Variants in KDM7A observed in about 807,000 individuals in gnomAD.
KDM7A encodes the protein lysine-specific demethylase 7A.
In KDM7A, 28 loss-of-function variants were observed where a neutral mutation model predicts 114.8. That is an observed-to-expected ratio of 0.24 (90% CI 0.18 to 0.33). The LOEUF is 0.33. KDM7A is among the 10% of genes least tolerant of loss of function. The pLI is 1.00. For missense variants in KDM7A, 942 were observed against 1,142.5 expected, an observed-to-expected ratio of 0.82 and a Z score of 2.53; for synonymous variants, 423 against 397.8, an observed-to-expected ratio of 1.06 and a Z score of -0.75.
chr7:140,120,570 AT>A, intron 7 of KDM7A, 41 bp from the exon 8 acceptor site: 2 of 1,175,294 alleles, frequency 1.7e-6, no homozygotes, highest in Non-Finnish European at 2.6e-6. Context: ...ATTTTTCAAT[AT>A]GTAAACTAAA....
chr7:140,119,513 T>C (rs1464390750), intron 8 of KDM7A, among the ~76,000 whole-genome samples: 4 of 152,206 alleles, frequency 2.6e-5, no homozygotes, highest in Non-Finnish European at 5.9e-5. Flanking sequence ...AGGGTTCTAC[T>C]ACAATAAATA....
At chr7:140,151,654 T>C (rs1296216464) in intron 1 of KDM7A, among the ~76,000 whole-genome samples, 2 of 152,234 alleles carry the variant, frequency 1.3e-5, no homozygotes. Flanking sequence ...AAAAAAGGTC[T>C]TCATTCATCA....
intron 1 of KDM7A, among the ~76,000 whole-genome samples, chr7:140,162,782 T>C (rs1794534787): frequency 6.6e-6 from 1 of 152,032 alleles, no homozygotes; most frequent in African/African-American, 2.4e-5. Context: ...CACAAAAATA[T>C]ATATCCTGCA....
chr7:140,115,199 C>T (rs1051149475), intron 9 of KDM7A, among the ~76,000 whole-genome samples: 10 of 151,188 alleles, frequency 6.6e-5, no homozygotes, highest in Admixed American at 1.3e-4. Context: ...CCCAGCCAGC[C>T]GCCCCGTCCG....
chr7:140,099,700 A>G (rs1478907726), intron 13 of KDM7A, among the ~76,000 whole-genome samples, 199 bp downstream of exon 13: 1 of 152,200 alleles, frequency 6.6e-6, no homozygotes, highest in African/African-American at 2.4e-5. Context: ...TCCAAGAGTT[A>G]CACACTCCTT....
At chr7:140,141,361 AC>A (rs573277509) in intron 1 of KDM7A, among the ~76,000 whole-genome samples, 105 of 149,412 alleles carry the variant, frequency 7.0e-4, no homozygotes, top group African/African-American at 2.3e-3. Context: ...AACAAAACAA[AC>A]CCCCCCCACC....
chr7:140,113,367 T>C (rs1266787528), intron 10 of KDM7A, 124 bp downstream of exon 10: 5 of 502,376 alleles, frequency 1.0e-5, no homozygotes, highest in Non-Finnish European at 1.8e-5. Flanking sequence ...AGGTTGTATA[T>C]AAAGGCATGA....
intron 1 of KDM7A, among the ~76,000 whole-genome samples, chr7:140,162,573 C>A (rs1334430246): frequency 6.9e-6 from 1 of 144,504 alleles, no homozygotes; most frequent in African/African-American, 2.7e-5. Context: ...ACTTATAGCC[C>A]CAGTAAATAA....
intron 3 of KDM7A, among the ~76,000 whole-genome samples, chr7:140,131,158 C>T (rs1169593300): frequency 1.3e-5 from 2 of 152,094 alleles, no homozygotes; most frequent in African/African-American, 2.4e-5. Context: ...TGAGCCACCG[C>T]GCCAGGCCTA....
intron 1 of KDM7A, among the ~76,000 whole-genome samples, chr7:140,168,715 T>A (rs1052228814): frequency 6.6e-6 from 1 of 152,186 alleles, no homozygotes; most frequent in African/African-American, 2.4e-5. Context: ...TTAGATACTC[T>A]AAGGCCAAAG....
chr7:140,130,062 G>A (rs181874064), intron 3 of KDM7A, among the ~76,000 whole-genome samples: 5 of 152,032 alleles, frequency 3.3e-5, no homozygotes, highest in African/African-American at 1.2e-4. Flanking sequence ...ATGCTCAGCT[G>A]CTAAGTATAA....
chr7:140,163,434 G>A (rs1298387778), intron 1 of KDM7A, among the ~76,000 whole-genome samples: 1 of 152,038 alleles, frequency 6.6e-6, no homozygotes, highest in Non-Finnish European at 1.5e-5. Context: ...ACAGGCACAT[G>A]CCACCACACC....
chr7:140,090,156 A>C lies in KDM7A; in HGVS notation c.*938T>G, dbSNP rs563502780. The C allele has an allele frequency of 5.3e-5, 8 of 152,344 alleles. No homozygotes were observed. In the East Asian group the frequency reaches 7.7e-4, roughly 15 times the overall value. The allele number at this position is 152,344 out of a possible 1,614,324, so 9.4% of individuals were successfully genotyped here. A position where few individuals can be genotyped will look rare whatever the true frequency, so the allele number is the denominator to read the frequency against. On this transcript the variant is annotated 3_prime_UTR_variant, in exon 20 of 20. Coordinates refer to ENST00000397560, the MANE Select transcript of KDM7A (RefSeq NM_030647.2). ...TAACCAAACTTATAATACTTTTCCCACAAGTAGGAAAAATATATTAAAGCT... is the reference window on the plus strand; with the variant it reads ...TAACCAAACTTATAATACTTTTCCCCCAAGTAGGAAAAATATATTAAAGCT...
Position 140,090,324 on chromosome 7 carries a change from G to C in KDM7A, c.*770C>G, listed in dbSNP as rs1296592127. ...GAGTTCTTACACATTGGCTACGAAA[G>C]TGTTTCCCTGCAAAGAGAAGAGTCT... On this transcript the variant is annotated 3_prime_UTR_variant, in exon 20 of 20. Transcript: ENST00000397560. 6.6e-6 allele frequency: 1 copy of C among 152,108 alleles called. No homozygotes were observed. The highest frequency in any genetic ancestry group is 1.5e-5 in the Non-Finnish European group (1 of 68,012). 9.4% of individuals were successfully genotyped at this position (152,108 alleles called of 1,614,324 possible).
intron 11 of KDM7A, among the ~76,000 whole-genome samples, chr7:140,105,465 A>G (rs1316529570): frequency 6.6e-6 from 1 of 152,230 alleles, no homozygotes; most frequent in Admixed American, 6.5e-5. Context: ...GCACTCCATC[A>G]ATACCTACTT....
Position 140,149,104 on chromosome 7 carries a change from T to C in KDM7A, c.195-9914A>G, listed in dbSNP as rs77774306. Among the ~76,000 whole-genome samples the C allele has an allele frequency of 1.3e-3, 193 of 152,102 alleles. 2 individuals carry two copies. The highest frequency in any genetic ancestry group is 4.4e-3 in the African/African-American group (183 of 41,484). On this transcript the variant is annotated intron_variant, in intron 1 of 19. Transcript: ENST00000397560. ...AGCTGATTAAAAGAATCTATGATAA[T>C]AAGGGTGAAGGGAGAAAGACAGTAT...
intron 7 of KDM7A, among the ~76,000 whole-genome samples, chr7:140,123,824 G>C (rs1017013673): frequency 6.6e-6 from 1 of 152,166 alleles, no homozygotes; most frequent in Admixed American, 6.5e-5. Flanking sequence ...GCTCACGCCT[G>C]TAATCCCAGT....
At chr7:140,135,037 T>TAAA (rs58259207) in intron 2 of KDM7A, among the ~76,000 whole-genome samples, 3 of 127,402 alleles carry the variant, frequency 2.4e-5, no homozygotes, top group Admixed American at 7.8e-5. Flanking sequence ...TAAGTCCCAT[T>TAAA]AAAAAAAAAA....
chr7:140,147,453 C>T (rs1794351056), intron 1 of KDM7A, among the ~76,000 whole-genome samples: 1 of 152,114 alleles, frequency 6.6e-6, no homozygotes, highest in African/African-American at 2.4e-5. Flanking sequence ...TTCATCTTTC[C>T]TTAGACAGTA....
Sources: gnomAD v4.1 joint callset for allele counts (sites outside exome capture counted in the v4.1 genomes callset) on GRCh38, gnomAD v4.1.1 for gene constraint, MANE v1.5 for transcripts, NCBI Gene and HGNC (gene_info 2026-07-23, HGNC 2026-07-21) for gene names.